HDAC4: variants seen among roughly 807,000 people sequenced by gnomAD.
HDAC4 encodes histone deacetylase 4, also known as histone deacetylase A.
HDAC4 carries 16 observed loss-of-function variants against 135.1 expected under a neutral mutation model. That is an observed-to-expected ratio of 0.12 (90% CI 0.08 to 0.18). HDAC4 has a LOEUF of 0.18. Ranked by LOEUF, HDAC4 falls within the 10% of genes least tolerant of loss-of-function variation. The pLI is 1.00. For missense variants in HDAC4, 1,143 were observed against 1,511.8 expected (o/e 0.76, Z 4.05); for synonymous variants, 685 against 653.4 (o/e 1.05, Z -0.74).
chr2:239,082,316 C>G (rs1407478189), intron 20 of HDAC4, 95 bp from the exon 21 acceptor site: 8 of 1,491,788 alleles, frequency 5.4e-6, no homozygotes, highest in Non-Finnish European at 7.5e-6. Context: ...TGCTTAGTGA[C>G]AACGGCTCCT....
At chr2:239,099,746 C>T (rs1032490483) in intron 16 of HDAC4, among the ~76,000 whole-genome samples, 1 of 152,346 alleles carries the variant, frequency 6.6e-6, no homozygotes, top group Admixed American at 6.5e-5. Context: ...GAGCGCGTGC[C>T]CCCTTCCTAG....
At chr2:239,179,998 G>T (rs551666402) in intron 4 of HDAC4, among the ~76,000 whole-genome samples, 1 of 152,264 alleles carries the variant, frequency 6.6e-6, no homozygotes, top group Non-Finnish European at 1.5e-5. Context: ...GTGCAAGGGC[G>T]CTGCCCTTCT....
chr2:239,150,364 CACAG>C (rs2042035584), intron 7 of HDAC4, among the ~76,000 whole-genome samples: 1 of 151,856 alleles, frequency 6.6e-6, no homozygotes, highest in Non-Finnish European at 1.5e-5. Flanking sequence ...CAGACACACA[CACAG>C]AAACACAGAT....
At chr2:239,279,416 C>A (rs568417312) in intron 2 of HDAC4, among the ~76,000 whole-genome samples, 1 of 152,208 alleles carries the variant, frequency 6.6e-6, no homozygotes, top group South Asian at 2.1e-4. Context: ...ATCTTACAGA[C>A]GAGAAAATCA....
intron 22 of HDAC4, among the ~76,000 whole-genome samples, chr2:239,076,635 G>A (rs2034794301): frequency 6.6e-6 from 1 of 152,166 alleles, no homozygotes; most frequent in Non-Finnish European, 1.5e-5. Context: ...GTGGGAACTG[G>A]GCTCAGGGCT....
rs558015333 is a variant in HDAC4, at chr2:239,307,236, G to T, written c.22+45442C>A. On this transcript the variant is annotated intron_variant, in intron 2 of 26. Transcript: ENST00000543185. The surrounding 1 kb of genome is among the most constrained non-coding windows in gnomAD (Gnocchi z 4.8). ...CTGGGGCAGGCTCCGTGCCCCAATG[G>T]TCATCCTCAGATGAGTGGGGGCTGT... 6.6e-6 allele frequency among the ~76,000 whole-genome samples: 1 copy of T among 152,286 alleles called. No homozygotes were observed. The highest frequency in any genetic ancestry group is 1.9e-4 in the East Asian group (1 of 5,156).
chr2:239,379,818 A>G lies in HDAC4; in HGVS notation c.-220+21160T>C, dbSNP rs531610069. The stretch of plus-strand genomic sequence containing the variant: ...AGCCCCTGCCCCACCACGGGGTCAC[A>G]CTCACCACAGGGTCACAGGAAACAA... On this transcript the variant is annotated intron_variant, in intron 1 of 26. Transcript: ENST00000543185. Among the ~76,000 whole-genome samples the G allele has an allele frequency of 7.9e-5, 12 of 152,206 alleles. No individual in the cohort carries two copies. In the South Asian group the frequency reaches 1.9e-3, roughly 24 times the overall value.
intron 3 of HDAC4, among the ~76,000 whole-genome samples, chr2:239,224,702 T>TA (rs2047145866): frequency 6.6e-6 from 1 of 152,194 alleles, no homozygotes. Context: ...TAAATACATG[T>TA]ATTCCATATG....
intron 1 of HDAC4, among the ~76,000 whole-genome samples, chr2:239,375,801 G>A (rs922900374): frequency 6.6e-6 from 1 of 152,200 alleles, no homozygotes; most frequent in Non-Finnish European, 1.5e-5. Context: ...TGGGGAGTCT[G>A]GGCTCCCTCA....
chr2:239,072,804 C>T (rs764751946), intron 22 of HDAC4, among the ~76,000 whole-genome samples: 6 of 152,224 alleles, frequency 3.9e-5, no homozygotes, highest in Non-Finnish European at 5.9e-5. Flanking sequence ...GACCCCTTTT[C>T]GGGGATGACC....
chr2:239,176,831 T>C (rs1575300996), intron 4 of HDAC4, among the ~76,000 whole-genome samples: 1 of 152,212 alleles, frequency 6.6e-6, no homozygotes, highest in African/African-American at 2.4e-5. Flanking sequence ...AGAAGAGTTA[T>C]GTTATCTTGC....
chr2:239,181,532 C>T (rs2044150929), intron 4 of HDAC4, among the ~76,000 whole-genome samples: 1 of 152,258 alleles, frequency 6.6e-6, no homozygotes, highest in African/African-American at 2.4e-5. Context: ...AAACTTAATT[C>T]CGAACAACCA....
chr2:239,229,227 A>G (rs907839875), intron 3 of HDAC4, among the ~76,000 whole-genome samples: 7 of 152,270 alleles, frequency 4.6e-5, no homozygotes, highest in African/African-American at 1.7e-4. Context: ...AGTGACTCTT[A>G]AAGCATTTCT....
At position 239,262,077 on chromosome 2, in the gene HDAC4, A is replaced by G. The variant is rs1477046079; in HGVS notation, c.23-25413T>C. Among the ~76,000 whole-genome samples, 1 of 152,188 alleles carries G rather than the reference A, an allele frequency of 6.6e-6. No individual in the cohort carries two copies. Among genetic ancestry groups the G allele is most frequent in the African/African-American group, 2.4e-5 (1 of 41,434 alleles). ...CTGCCCCCTTGTCGCTCCAAGGGAA[A>G]GCCCTGAGGGACCCTCCCAACCACG... On this transcript the variant is annotated intron_variant, in intron 2 of 26. Transcript: ENST00000543185. This position sits in a 1 kb window ranked among gnomAD's most constrained non-coding sequence, Gnocchi z 4.1.
chr2:239,150,939 G>A (rs1350192803), intron 7 of HDAC4, among the ~76,000 whole-genome samples: 6 of 152,164 alleles, frequency 3.9e-5, no homozygotes, highest in African/African-American at 7.2e-5. Flanking sequence ...CCTGAAGTAT[G>A]TACTACATTA....
chr2:239,256,492 C>A (rs2049059904), intron 2 of HDAC4, among the ~76,000 whole-genome samples: 1 of 152,252 alleles, frequency 6.6e-6, no homozygotes, highest in Non-Finnish European at 1.5e-5. Context: ...GGGTTCCAGC[C>A]CCTCCCAGAA....
chr2:239,218,817 C>T (rs1486972120), intron 3 of HDAC4, among the ~76,000 whole-genome samples: 2 of 149,092 alleles, frequency 1.3e-5, no homozygotes, highest in Non-Finnish European at 3.0e-5. Context: ...AGGACATGAA[C>T]AGACACTTCT....
intron 2 of HDAC4, among the ~76,000 whole-genome samples, chr2:239,255,869 C>A (rs574627562): frequency 6.6e-6 from 1 of 152,354 alleles, no homozygotes; most frequent in African/African-American, 2.4e-5. Flanking sequence ...GAGAGCCCGT[C>A]TTTGGAAACA....
At chr2:239,266,346 T>C (rs1344084801) in intron 2 of HDAC4, among the ~76,000 whole-genome samples, 1 of 152,158 alleles carries the variant, frequency 6.6e-6, no homozygotes, top group Non-Finnish European at 1.5e-5. Flanking sequence ...TGCCCTGCAC[T>C]GCAAGCCACT....
Sources: allele counts gnomAD v4.1 joint callset (sites outside exome capture counted in the v4.1 genomes callset), GRCh38; gene constraint gnomAD v4.1.1; non-coding constraint Gnocchi (gnomAD v3.1); transcripts MANE v1.5; gene names NCBI Gene and HGNC (gene_info 2026-07-23, HGNC 2026-07-21).